The following CX3CL1 variants were observed in gnomAD, a reference collection of about 807,000 sequenced individuals.
The protein encoded by CX3CL1 is C-X3-C motif chemokine ligand 1.
A neutral mutation model predicts 14.1 loss-of-function variants in CX3CL1; 1 was observed. That is an observed-to-expected ratio of 0.07 (90% CI 0.03 to 0.34). The LOEUF is 0.34. CX3CL1 is among the 10% of genes least tolerant of loss of function. CX3CL1 has a pLI of 0.99. For synonymous variants in CX3CL1, 255 were observed against 229.6 expected, an observed-to-expected ratio of 1.11 and a Z score of -1.00; for missense variants, 505 against 536.4, an observed-to-expected ratio of 0.94 and a Z score of 0.58.
intron 1 of CX3CL1, chr16:57,377,509 C>G (rs1483230657): frequency 1.3e-5 from 2 of 152,344 alleles, no homozygotes; most frequent in Non-Finnish European, 1.5e-5. Flanking sequence ...ACCACCTTCC[C>G]ACAAAGCAGG....
At chr16:57,376,494 G>A (rs1359861744) in intron 1 of CX3CL1, among the ~76,000 whole-genome samples, 1 of 151,544 alleles carries the variant, frequency 6.6e-6, no homozygotes, top group East Asian at 1.9e-4. Context: ...ATGGATGGGT[G>A]GATAGATGGA....
Position 57,382,398 on chromosome 16 carries a change from G to A in CX3CL1, c.560G>A (p.Arg187Gln), listed in dbSNP as rs766949258. Residue 187 changes from arginine (R) to glutamine (Q), a missense_variant, in exon 3 of 3, where the codon CGA (arginine) becomes CAA (glutamine). Transcript: ENST00000006053. The surrounding 1 kb of genome is among the most constrained non-coding windows in gnomAD (Gnocchi z 6.9). The stretch of plus-strand genomic sequence containing the variant: ...GGGCCTGTGGGCACGGAGCTTTTCC[G>A]AGTGCCTCCCGTCTCCACTGCCGCC... ...DGGPVGTELF[R>Q]VPPVSTAATW... 7.4e-6 allele frequency: 12 copies of A among 1,612,094 alleles called. No homozygotes were observed. The highest frequency in any genetic ancestry group is 2.2e-5 in the East Asian group (1 of 44,858).
rs1424648135 is a variant in CX3CL1, at chr16:57,384,101, C to T, written c.*1069C>T. 1 of 152,280 alleles carries T rather than the reference C, an allele frequency of 6.6e-6. No individual in the cohort carries two copies. Among genetic ancestry groups the T allele is most frequent in the Non-Finnish European group, 1.5e-5 (1 of 68,084 alleles). 9.4% of individuals were successfully genotyped at this position (152,280 alleles called of 1,614,324 possible). A position where few individuals can be genotyped will look rare whatever the true frequency, so the allele number is the denominator to read the frequency against. On this transcript the variant is annotated 3_prime_UTR_variant, in exon 3 of 3. Transcript: ENST00000006053. The stretch of plus-strand genomic sequence containing the variant: ...ATGTCCAAGAAGCCCAGGAAAGGCT[C>T]CAGGAGCAGCCACATTCCTGATGCT...
intron 1 of CX3CL1, among the ~76,000 whole-genome samples, chr16:57,375,331 T>C (rs1455684284): frequency 6.6e-6 from 1 of 152,074 alleles, no homozygotes; most frequent in African/African-American, 2.4e-5. Context: ...TTTGCTCCCC[T>C]ATGGGCCATT....
chr16:57,382,985 A>G lies in CX3CL1; in HGVS notation c.1147A>G (p.Ile383Val). The change falls in exon 3 of 3, where the codon ATC becomes GTC. Residue 383 changes from isoleucine (I) to valine (V), a missense_variant. Transcript: ENST00000006053. The surrounding 1 kb of genome is among the most constrained non-coding windows in gnomAD (Gnocchi z 6.9). ...AGEMAEGLRY[I>V]PRSCGSNSYV... is the part of the protein sequence containing the mutation. ...AGAGATGGCGGAGGGCCTTCGCTAC[A>G]TCCCCCGGAGCTGTGGTAGTAATTC... 6.7e-7 allele frequency: 1 copy of G among 1,502,742 alleles called. No homozygotes were observed. The highest frequency in any genetic ancestry group is 8.9e-7 in the Non-Finnish European group (1 of 1,123,334). 93.1% of individuals were successfully genotyped at this position (1,502,742 alleles called of 1,614,324 possible).
rs1166344508 is a variant in CX3CL1, at chr16:57,376,507, A to G, written c.71-3127A>G. Among the ~76,000 whole-genome samples the G allele has an allele frequency of 2.8e-5, 4 of 142,264 alleles. No homozygotes were observed. In the East Asian group the frequency reaches 6.1e-4, roughly 22 times the overall value. 93.3% of individuals were successfully genotyped at this position (142,264 alleles called of 152,430 possible). A position where few individuals can be genotyped will look rare whatever the true frequency, so the allele number is the denominator to read the frequency against. Reference sequence around the variant, plus strand: ...GGATGGATGGGTGGATAGATGGATGAATGGATGGATGGATGGATGGGTGGA... The same window carrying G: ...GGATGGATGGGTGGATAGATGGATGGATGGATGGATGGATGGATGGGTGGA... On this transcript the variant is annotated intron_variant, in intron 1 of 2. Transcript: ENST00000006053.
Position 57,372,527 on chromosome 16 carries a change from C to A in CX3CL1, c.-42C>A. 3.1e-6 allele frequency: 5 copies of A among 1,593,508 alleles called. No homozygotes were observed. The highest frequency in any genetic ancestry group is 4.3e-6 in the Non-Finnish European group (5 of 1,168,430). ...CTGAGCTCTGCCGCCTGGCTCTAGC[C>A]GCCTGCCTGGCCCCCGCCGGGACTC... is the stretch of plus-strand genomic sequence containing the variant. On this transcript the variant is annotated 5_prime_UTR_variant, in exon 1 of 3. Transcript: ENST00000006053.
At chr16:57,375,410 C>G (rs1383852464) in intron 1 of CX3CL1, among the ~76,000 whole-genome samples, 1 of 152,136 alleles carries the variant, frequency 6.6e-6, no homozygotes, top group Non-Finnish European at 1.5e-5. Flanking sequence ...TTGAGCTACT[C>G]GCCTCTAGTG....
chr16:57,381,992 T>G, intron 2 of CX3CL1, 38 bp from the exon 3 acceptor site: 1 of 1,535,050 alleles, frequency 6.5e-7, no homozygotes, highest in East Asian at 2.3e-5. Context: ...GTTTCTGGTA[T>G]CTGGGCATAA....
chr16:57,375,056 C>T (rs1902227579), intron 1 of CX3CL1, among the ~76,000 whole-genome samples: 1 of 151,164 alleles, frequency 6.6e-6, no homozygotes, highest in South Asian at 2.1e-4. Flanking sequence ...AAGAGAATCG[C>T]TTGAACCTGG....
chr16:57,378,217 A>G (rs996285703), intron 1 of CX3CL1: 13 of 152,116 alleles, frequency 8.5e-5, no homozygotes, highest in African/African-American at 2.9e-4. Context: ...TATTCAGCAG[A>G]CCCCACCTTC....
intron 1 of CX3CL1, among the ~76,000 whole-genome samples, chr16:57,375,264 G>C (rs914375881): frequency 2.0e-5 from 3 of 152,168 alleles, no homozygotes; most frequent in African/African-American, 7.2e-5. Flanking sequence ...AGTTTGGAGC[G>C]GGGTGAGGGC....
rs1425095258 is a variant in CX3CL1 at position 57,372,784 on chromosome 16, G to C, written c.70+146G>C. ...CCGCTTCCCCAGGGATGTGCGAGAG[G>C]GGGCTGGGCACCTCGCTTCCCCCAG... On this transcript the variant is annotated intron_variant, in intron 1 of 2. Coordinates refer to ENST00000006053, the MANE Select transcript of CX3CL1 (RefSeq NM_002996.6). 9.5e-6 allele frequency: 7 copies of C among 738,932 alleles called. No individual in the cohort carries two copies. The African/African-American group carries it at 1.1e-4, about 11-fold the overall frequency. The allele number at this position is 738,932 out of a possible 1,614,324, so 45.8% of individuals were successfully genotyped here. A position where few individuals can be genotyped will look rare whatever the true frequency, so the allele number is the denominator to read the frequency against.
Position 57,382,489 on chromosome 16 carries a change from G to T in CX3CL1, c.651G>T (p.Glu217Asp). ...TCTGGGCTGAGGCAAAGACCTCTGA[G>T]GCCCCGTCCACCCAGGACCCCTCCA... ...PSLWAEAKTS[E>D]APSTQDPSTQ... The change falls in exon 3 of 3, where the codon GAG becomes GAT. Residue 217 changes from glutamate (E) to aspartate (D), a missense_variant. Glu to Asp is a conservative substitution (Grantham distance 45). Coordinates refer to ENST00000006053, the MANE Select transcript of CX3CL1 (RefSeq NM_002996.6). The surrounding 1 kb of genome is among the most constrained non-coding windows in gnomAD (Gnocchi z 6.9). 6.2e-7 allele frequency: 1 copy of T among 1,612,716 alleles called. No homozygotes were observed. The highest frequency in any genetic ancestry group is 8.5e-7 in the Non-Finnish European group (1 of 1,179,734).
chr16:57,382,393 T>G lies in CX3CL1; in HGVS notation c.555T>G (p.Leu185=), dbSNP rs746549764. The part of the protein sequence containing the change: ...AQDGGPVGTE[L]FRVPPVSTAA... ...ATGGAGGGCCTGTGGGCACGGAGCT[T>G]TTCCGAGTGCCTCCCGTCTCCACTG... The change falls in exon 3 of 3, where the codon CTT becomes CTG. Residue 185 remains leucine (L), a synonymous_variant. Transcript: ENST00000006053. The surrounding 1 kb of genome is among the most constrained non-coding windows in gnomAD (Gnocchi z 6.9). 70 of 1,611,992 alleles carry G rather than the reference T, an allele frequency of 4.3e-5. No individual in the cohort carries two copies. In the Middle Eastern group the frequency reaches 1.3e-3, roughly 30 times the overall value.
intron 2 of CX3CL1, among the ~76,000 whole-genome samples, chr16:57,381,013 A>T (rs1396692580): frequency 4.6e-5 from 7 of 152,040 alleles, no homozygotes; most frequent in Admixed American, 3.3e-4. Flanking sequence ...ACCCCCAAGT[A>T]TTTTTTGTTT....
Position 57,382,844 on chromosome 16 carries a change from G to A in CX3CL1, c.1006G>A (p.Ala336Thr), listed in dbSNP as rs1256360582. ...TATCACTCCTGTCCCTGACGCCCAG[G>A]CTGCCACCCGGAGGCAGGCGGTGGG... ...VLITPVPDAQ[A>T]ATRRQAVGLL... Residue 336 changes from alanine to threonine, a missense_variant, in exon 3 of 3, where the codon GCT becomes ACT. Ala to Thr is a moderately conservative substitution (Grantham distance 58). Coordinates refer to ENST00000006053, the MANE Select transcript of CX3CL1 (RefSeq NM_002996.6). This position sits in a 1 kb window ranked among gnomAD's most constrained non-coding sequence, Gnocchi z 6.9. 9 of 1,559,746 alleles carry A rather than the reference G, an allele frequency of 5.8e-6. No homozygotes were observed. The highest frequency in any genetic ancestry group is 3.7e-5 in the Admixed American group (2 of 53,634).
chr16:57,379,879 C>T (rs543088348), intron 2 of CX3CL1, 125 bp downstream of exon 2: 43 of 1,146,830 alleles, frequency 3.7e-5, no homozygotes, highest in African/African-American at 1.7e-4. Context: ...CCTCAGCACA[C>T]GCTTCTCTTG....
chr16:57,374,300 G>A (rs577893762), intron 1 of CX3CL1, among the ~76,000 whole-genome samples: 8 of 152,096 alleles, frequency 5.3e-5, no homozygotes, highest in Non-Finnish European at 1.0e-4. Context: ...GGGCAGCTGC[G>A]TCAGTCCCCA....
Sources: gnomAD v4.1 joint callset for allele counts (sites outside exome capture counted in the v4.1 genomes callset) on GRCh38, gnomAD v4.1.1 for gene constraint, Gnocchi (gnomAD v3.1) non-coding constraint, MANE v1.5 for transcripts, NCBI Gene and HGNC (gene_info 2026-07-23, HGNC 2026-07-21) for gene names.